Variants in GRID2 observed in about 807,000 individuals in gnomAD.
The protein encoded by GRID2 is glutamate receptor ionotropic, delta-2.
Under a neutral mutation model 114.8 loss-of-function variants are expected in GRID2, and 33 were observed. The ratio of observed to expected loss-of-function variants is 0.29; its 90% CI spans 0.22 to 0.38. The LOEUF (loss-of-function observed/expected upper bound fraction) is 0.38, where lower values mean the gene tolerates loss of function less well. Among genes scored for constraint, GRID2 ranks in the 10% least tolerant of loss-of-function variants. The pLI, the probability that GRID2 is intolerant of heterozygous loss-of-function variation, is 1.00. For synonymous variants in GRID2, 505 were observed against 449.9 expected (o/e 1.12, Z -1.55); for missense variants, 1,184 against 1,257.7 (o/e 0.94, Z 0.89).
chr4:93,035,105 C>CTTT (rs1409804820), intron 2 of GRID2, among the ~76,000 whole-genome samples: 6 of 136,280 alleles, frequency 4.4e-5, no homozygotes, highest in Non-Finnish European at 6.2e-5. Flanking sequence ...TCACTGTCTG[C>CTTT]TTTTTTTTTT....
chr4:93,786,611 G>A (rs1344648576), intron 1 of GRID2, among the ~76,000 whole-genome samples: 2 of 152,234 alleles, frequency 1.3e-5, no homozygotes, highest in Admixed American at 6.5e-5. Context: ...CTGATGTTTA[G>A]TGAGAATTAT....
chr4:92,880,956 G>A (rs1290608621), intron 2 of GRID2, among the ~76,000 whole-genome samples: 2 of 152,130 alleles, frequency 1.3e-5, no homozygotes, highest in African/African-American at 4.8e-5. Flanking sequence ...AGGCTGGAGT[G>A]CAGTGGCACT....
chr4:92,759,973 G>A (rs778299187), intron 2 of GRID2, among the ~76,000 whole-genome samples: 26 of 151,492 alleles, frequency 1.7e-4, no homozygotes, highest in South Asian at 4.2e-4. Flanking sequence ...AGTTTTGAAC[G>A]CCTTCGATAA....
At chr4:92,979,572 A>G (rs1027070762) in intron 2 of GRID2, among the ~76,000 whole-genome samples, 2 of 152,136 alleles carry the variant, frequency 1.3e-5, no homozygotes, top group African/African-American at 4.8e-5. Flanking sequence ...GCTGTCTCCA[A>G]AGAGCAAGGT....
At chr4:92,521,435 T>C (rs1421271145) in intron 1 of GRID2, among the ~76,000 whole-genome samples, 1 of 151,982 alleles carries the variant, frequency 6.6e-6, no homozygotes, top group Non-Finnish European at 1.5e-5. Flanking sequence ...TTTGCTAAAA[T>C]AAATGAGTTA....
chr4:92,593,871 G>C (rs1310780137), intron 2 of GRID2, among the ~76,000 whole-genome samples: 1 of 146,556 alleles, frequency 6.8e-6, no homozygotes, highest in Non-Finnish European at 1.5e-5. Flanking sequence ...TTTTCATTTG[G>C]ATAGGCTATT....
intron 11 of GRID2, among the ~76,000 whole-genome samples, chr4:93,475,119 A>G (rs1725198325): frequency 6.6e-6 from 1 of 152,012 alleles, no homozygotes; most frequent in Non-Finnish European, 1.5e-5. Context: ...TGATTTTCCT[A>G]CTGCTCATCA....
At chr4:92,824,281 T>C (rs998692066) in intron 2 of GRID2, among the ~76,000 whole-genome samples, 1 of 152,180 alleles carries the variant, frequency 6.6e-6, no homozygotes, top group African/African-American at 2.4e-5. Flanking sequence ...TCATTACTTG[T>C]GTATTTGAAA....
At position 92,404,102 on chromosome 4, in the gene GRID2, G is replaced by A. The variant is rs1730921102; in HGVS notation, c.88+99358G>A. Reference sequence around the variant, plus strand: ...CACAAGCTGTTGGAAAAATGGCATCGATAGATTTGCTCAATGAAGGATTGT... The same window carrying A: ...CACAAGCTGTTGGAAAAATGGCATCAATAGATTTGCTCAATGAAGGATTGT... On this transcript the variant is annotated intron_variant, in intron 1 of 15. Transcript: ENST00000282020. Among the ~76,000 whole-genome samples the A allele has an allele frequency of 2.6e-5, 4 of 152,238 alleles. No individual in the cohort carries two copies. The South Asian group carries it at 8.3e-4, about 32-fold the overall frequency.
chr4:92,769,995 T>A (rs927490537), intron 2 of GRID2, among the ~76,000 whole-genome samples: 1 of 126,974 alleles, frequency 7.9e-6, no homozygotes, highest in African/African-American at 3.3e-5. Flanking sequence ...GAAAATGAGA[T>A]TTAATTTCTA....
chr4:93,420,731 CTTATTTATTTATTTAT>C (rs36041449), intron 9 of GRID2, among the ~76,000 whole-genome samples: 3 of 146,244 alleles, frequency 2.1e-5, no homozygotes, highest in African/African-American at 5.1e-5. Flanking sequence ...ATTATTTTTA[CTTATTTATTTATTTAT>C]TTATTTATTT....
At chr4:93,436,869 G>A (rs1018238109) in intron 10 of GRID2, among the ~76,000 whole-genome samples, 24 of 152,136 alleles carry the variant, frequency 1.6e-4, no homozygotes, top group African/African-American at 4.6e-4. Context: ...GTATAAATCC[G>A]AAAGCAAATA....
intron 2 of GRID2, among the ~76,000 whole-genome samples, chr4:92,795,615 C>A (rs747999763): frequency 6.6e-6 from 1 of 151,972 alleles, no homozygotes; most frequent in Non-Finnish European, 1.5e-5. Flanking sequence ...TGTGTCTATA[C>A]CATACCAATC....
At chr4:93,234,566 T>C (rs1579373721) in intron 7 of GRID2, among the ~76,000 whole-genome samples, 3 of 151,976 alleles carry the variant, frequency 2.0e-5, no homozygotes, top group East Asian at 1.9e-4. Context: ...TATGTATATA[T>C]ACACACACGT....
chr4:93,187,957 C>T (rs1056964484), intron 4 of GRID2, among the ~76,000 whole-genome samples: 1 of 152,188 alleles, frequency 6.6e-6, no homozygotes, highest in African/African-American at 2.4e-5. Flanking sequence ...AAGCCCTGCC[C>T]ACATGGGTTT....
At chr4:92,589,495 T>G (rs1370902603) in intron 1 of GRID2, among the ~76,000 whole-genome samples, 2 of 152,208 alleles carry the variant, frequency 1.3e-5, no homozygotes, top group African/African-American at 4.8e-5. Context: ...ATCATCATAT[T>G]TACACATGGA....
At chr4:92,535,830 G>A (rs1366536879) in intron 1 of GRID2, among the ~76,000 whole-genome samples, 2 of 152,042 alleles carry the variant, frequency 1.3e-5, no homozygotes, top group Non-Finnish European at 2.9e-5. Flanking sequence ...TCCTTTTGGC[G>A]GGTTCGTCGT....
chr4:92,396,819 G>T (rs1410059408), intron 1 of GRID2, among the ~76,000 whole-genome samples: 1 of 152,016 alleles, frequency 6.6e-6, no homozygotes, highest in Non-Finnish European at 1.5e-5. Context: ...AGTCCTGGAT[G>T]AATTCTAAAT....
intron 2 of GRID2, among the ~76,000 whole-genome samples, chr4:92,803,436 G>T (rs1053665138): frequency 6.6e-6 from 1 of 151,958 alleles, no homozygotes; most frequent in Non-Finnish European, 1.5e-5. Context: ...AGACGGGAAA[G>T]AAAATATATT....
Sources: gnomAD v4.1 joint callset for allele counts (sites outside exome capture counted in the v4.1 genomes callset) on GRCh38, gnomAD v4.1.1 for gene constraint, MANE v1.5 for transcripts, NCBI Gene and HGNC (gene_info 2026-07-23, HGNC 2026-07-21) for gene names.